The following ASTN2 variants were observed in gnomAD, a reference collection of about 807,000 sequenced individuals.
ASTN2 encodes astrotactin 2.
In ASTN2, 54 loss-of-function variants were observed where a neutral mutation model predicts 139.8. The observed-to-expected ratio is 0.39, with a 90% CI of 0.31 to 0.48. The LOEUF is 0.48. Among genes scored for constraint, ASTN2 ranks in the 20% least tolerant of loss-of-function variants. The probability of loss-of-function intolerance (pLI) is 0.95; values close to 1 mark genes in which losing one functional copy is unlikely to be tolerated. For missense variants in ASTN2, 1,565 were observed against 1,725.1 expected (o/e 0.91, Z 1.64); for synonymous variants, 756 against 719.5 (o/e 1.05, Z -0.81).
intron 16 of ASTN2, among the ~76,000 whole-genome samples, chr9:116,664,130 A>G (rs964834124): frequency 1.3e-5 from 2 of 152,204 alleles, no homozygotes; most frequent in Admixed American, 6.5e-5. Context: ...GCATCCAAAC[A>G]GTGGGGTACT....
At chr9:117,291,252 C>A (rs1233888459) in intron 2 of ASTN2, 74 bp downstream of exon 2, 2 of 1,545,056 alleles carry the variant, frequency 1.3e-6, no homozygotes, top group East Asian at 2.3e-5. Context: ...GGACAATCCC[C>A]CGCCCCCTCC....
intron 11 of ASTN2, among the ~76,000 whole-genome samples, chr9:116,835,637 T>C (rs1564293928): frequency 6.6e-6 from 1 of 152,188 alleles, no homozygotes; most frequent in African/African-American, 2.4e-5. Context: ...AAAGCATTTG[T>C]AAAATGTATA....
At chr9:117,193,335 T>C (rs1317585423) in intron 3 of ASTN2, among the ~76,000 whole-genome samples, 1 of 151,900 alleles carries the variant, frequency 6.6e-6, no homozygotes, top group African/African-American at 2.4e-5. Context: ...TCAAGGCACT[T>C]TGATGTTAAG....
chr9:116,882,893 T>C (rs1038683127), intron 10 of ASTN2, among the ~76,000 whole-genome samples: 1 of 152,116 alleles, frequency 6.6e-6, no homozygotes, highest in African/African-American at 2.4e-5. Context: ...AAATGATAAT[T>C]CTCAGTGCCG....
chr9:116,660,163 C>A (rs978612440), intron 16 of ASTN2, among the ~76,000 whole-genome samples: 2 of 119,570 alleles, frequency 1.7e-5, no homozygotes, highest in Admixed American at 8.9e-5. Context: ...GTTCATATTG[C>A]AAGCGCACAC....
At chr9:116,909,439 A>G (rs148969004) in intron 10 of ASTN2, among the ~76,000 whole-genome samples, 2 of 152,360 alleles carry the variant, frequency 1.3e-5, no homozygotes, top group African/African-American at 4.8e-5. Flanking sequence ...CCTGAGTAAT[A>G]GGATGCATGT....
intron 4 of ASTN2, among the ~76,000 whole-genome samples, chr9:117,111,570 A>T: frequency 6.6e-6 from 1 of 152,148 alleles, no homozygotes; most frequent in Non-Finnish European, 1.5e-5. Context: ...GACCCATGGG[A>T]CAATATCAAA....
chr9:117,229,693 A>G (rs138605709), intron 2 of ASTN2, among the ~76,000 whole-genome samples: 2 of 152,288 alleles, frequency 1.3e-5, no homozygotes, highest in African/African-American at 4.8e-5. Context: ...GCCGTCTCCA[A>G]CCCATATCGG....
intron 16 of ASTN2, among the ~76,000 whole-genome samples, chr9:116,658,353 C>G (rs530973884): frequency 6.6e-6 from 1 of 152,228 alleles, no homozygotes; most frequent in African/African-American, 2.4e-5. Flanking sequence ...TTAGCCCAAA[C>G]CCCCAGAGGT....
At chr9:117,062,403 C>A (rs1025846949) in intron 5 of ASTN2, among the ~76,000 whole-genome samples, 6 of 152,214 alleles carry the variant, frequency 3.9e-5, no homozygotes, top group African/African-American at 1.4e-4. Context: ...CTTTCTGTTG[C>A]TCCCTGGCTC....
chr9:117,203,423 C>G (rs926456848), intron 3 of ASTN2, among the ~76,000 whole-genome samples: 1 of 151,948 alleles, frequency 6.6e-6, no homozygotes, highest in Non-Finnish European at 1.5e-5. Context: ...GCGCTCTGCT[C>G]TTTTGGGTTT....
chr9:117,119,941 A>G (rs965232795), intron 4 of ASTN2, among the ~76,000 whole-genome samples: 3 of 148,874 alleles, frequency 2.0e-5, no homozygotes, highest in African/African-American at 7.5e-5. Flanking sequence ...TCACACAGCT[A>G]TTATTTCATA....
chr9:117,286,792 C>T (rs1834461631), intron 2 of ASTN2, among the ~76,000 whole-genome samples: 1 of 152,174 alleles, frequency 6.6e-6, no homozygotes, highest in Non-Finnish European at 1.5e-5. Context: ...GTTTTGTGCA[C>T]CTGGAGTGAA....
intron 14 of ASTN2, among the ~76,000 whole-genome samples, chr9:116,730,277 A>G (rs1828742440): frequency 1.3e-5 from 2 of 152,166 alleles, no homozygotes; most frequent in Non-Finnish European, 2.9e-5. Flanking sequence ...TTAAAATGAG[A>G]ATCTCATTGG....
chr9:116,942,646 G>T (rs1194123174), intron 10 of ASTN2, among the ~76,000 whole-genome samples: 2 of 152,212 alleles, frequency 1.3e-5, no homozygotes, highest in African/African-American at 4.8e-5. Flanking sequence ...AACCTGAAAG[G>T]AACGGATCGT....
chr9:116,502,471 C>A (rs764284905), intron 19 of ASTN2, among the ~76,000 whole-genome samples: 33 of 151,698 alleles, frequency 2.2e-4, no homozygotes, highest in Non-Finnish European at 4.3e-4. Flanking sequence ...TAGATAAGAA[C>A]ACATAGGGCC....
At chr9:117,396,629 G>C (rs1315838367) in intron 1 of ASTN2, among the ~76,000 whole-genome samples, 1 of 151,662 alleles carries the variant, frequency 6.6e-6, no homozygotes. Flanking sequence ...GCAGTGGCCT[G>C]ATCTTGGCTC....
intron 3 of ASTN2, among the ~76,000 whole-genome samples, chr9:117,183,640 T>A (rs941248599): frequency 4.6e-5 from 7 of 152,072 alleles, no homozygotes; most frequent in African/African-American, 1.7e-4. Context: ...AGTCCCAGAG[T>A]CCACATTTCT....
At chr9:116,477,340 G>A (rs1221371546) in intron 20 of ASTN2, among the ~76,000 whole-genome samples, 3 of 152,084 alleles carry the variant, frequency 2.0e-5, no homozygotes, top group African/African-American at 7.2e-5. Flanking sequence ...CCTGATGTTA[G>A]ATGGAATTGA....
Sources: gnomAD v4.1 joint callset for allele counts (sites outside exome capture counted in the v4.1 genomes callset) on GRCh38, gnomAD v4.1.1 for gene constraint, MANE v1.5 for transcripts, NCBI Gene and HGNC (gene_info 2026-07-23, HGNC 2026-07-21) for gene names.